Variants in MARCHF1 observed in about 807,000 individuals in gnomAD.
MARCHF1 encodes the protein E3 ubiquitin-protein ligase MARCHF1.
In MARCHF1, 40 loss-of-function variants were observed where a neutral mutation model predicts 54.2. The ratio of observed to expected loss-of-function variants is 0.74; its 90% CI spans 0.57 to 0.96. The LOEUF (loss-of-function observed/expected upper bound fraction) is 0.96. Among genes scored for constraint, MARCHF1 ranks in the 40% least tolerant of loss-of-function variants. MARCHF1 has a pLI of 0.00. For synonymous variants in MARCHF1, 236 were observed against 236.3 expected, an observed-to-expected ratio of 1.00 and a Z score of 0.01; for missense variants, 586 against 656.5, an observed-to-expected ratio of 0.89 and a Z score of 1.17.
intron 4 of MARCHF1, among the ~76,000 whole-genome samples, chr4:163,723,859 T>C (rs1246061480): frequency 1.3e-5 from 2 of 152,242 alleles, no homozygotes; most frequent in Non-Finnish European, 2.9e-5. Flanking sequence ...TCTTGTGCCA[T>C]GGTTTTCAGC....
chr4:164,219,384 C>G (rs1579633114), intron 1 of MARCHF1, among the ~76,000 whole-genome samples: 1 of 152,090 alleles, frequency 6.6e-6, no homozygotes, highest in Admixed American at 6.6e-5. Context: ...TTCATCTCAT[C>G]TAAAACCAAT....
At chr4:163,790,229 T>C (rs1747737890) in intron 4 of MARCHF1, among the ~76,000 whole-genome samples, 1 of 152,142 alleles carries the variant, frequency 6.6e-6, no homozygotes, top group African/African-American at 2.4e-5. Context: ...TTAATAGTAC[T>C]TTATTTTCCT....
In MARCHF1 at chr4:163,814,037, G is replaced by A. The variant is rs144520461; in HGVS notation, c.111+39984C>T. 5.6e-3 allele frequency among the ~76,000 whole-genome samples: 855 copies of A among 152,236 alleles called. 10 individuals carry two copies. Among genetic ancestry groups the A allele is most frequent in the African/African-American group, 0.019 (804 of 41,538 alleles). On this transcript the variant is annotated intron_variant, in intron 4 of 9. Transcript: ENST00000514618. Reference sequence around the variant, plus strand: ...CCTCACAGCCTCTGGAATGTATCTAGGTTTGCTGGGTCCTTGCTCCTTGCT... The same window carrying A: ...CCTCACAGCCTCTGGAATGTATCTAAGTTTGCTGGGTCCTTGCTCCTTGCT...
At chr4:163,930,676 A>G (rs187043083) in intron 3 of MARCHF1, among the ~76,000 whole-genome samples, 244 of 152,184 alleles carry the variant, frequency 1.6e-3, no homozygotes, top group Middle Eastern at 3.4e-3. Flanking sequence ...TTTGCCTTAG[A>G]TAAATCACAG....
intron 4 of MARCHF1, among the ~76,000 whole-genome samples, chr4:163,853,508 G>C (rs2111168965): frequency 6.6e-6 from 1 of 152,154 alleles, no homozygotes; most frequent in East Asian, 1.9e-4. Flanking sequence ...AAAACATGAA[G>C]GAGCACATTC....
intron 1 of MARCHF1, among the ~76,000 whole-genome samples, chr4:164,234,329 T>C (rs1435135911): frequency 1.3e-5 from 2 of 152,308 alleles, no homozygotes; most frequent in African/African-American, 4.8e-5. Context: ...TAACTACTTA[T>C]GGTCATGGCT....
intron 8 of MARCHF1, among the ~76,000 whole-genome samples, chr4:163,564,620 C>T (rs1457275018): frequency 6.6e-6 from 1 of 152,126 alleles, no homozygotes; most frequent in Non-Finnish European, 1.5e-5. Context: ...TATCTGAAAA[C>T]CTAGATCAGT....
At chr4:164,073,951 C>G (rs564657671) in intron 2 of MARCHF1, among the ~76,000 whole-genome samples, 1 of 152,062 alleles carries the variant, frequency 6.6e-6, no homozygotes, top group African/African-American at 2.4e-5. Flanking sequence ...TTTACAGGCA[C>G]GCACCACCAC....
intron 1 of MARCHF1, among the ~76,000 whole-genome samples, chr4:164,181,755 A>C (rs549097119): frequency 6.6e-6 from 1 of 152,294 alleles, no homozygotes; most frequent in South Asian, 2.1e-4. Context: ...AAATAAAATT[A>C]TTCTTCCTTA....
intron 1 of MARCHF1, among the ~76,000 whole-genome samples, chr4:164,127,821 T>C (rs1316369505): frequency 6.6e-6 from 1 of 152,138 alleles, no homozygotes; most frequent in African/African-American, 2.4e-5. Flanking sequence ...CCCAACATGC[T>C]AAAGTATTTT....
chr4:163,660,351 A>T (rs1743302763), intron 5 of MARCHF1, among the ~76,000 whole-genome samples: 2 of 152,030 alleles, frequency 1.3e-5, no homozygotes, highest in African/African-American at 4.8e-5. Context: ...GGAGTTGAAC[A>T]ATGAGAACAC....
chr4:164,320,882 C>T (rs1185213392), intron 1 of MARCHF1, among the ~76,000 whole-genome samples: 2 of 152,168 alleles, frequency 1.3e-5, no homozygotes, highest in Admixed American at 6.5e-5. Flanking sequence ...CAGCTACCAT[C>T]TCTCTGTCTT....
intron 3 of MARCHF1, among the ~76,000 whole-genome samples, chr4:163,910,745 C>A (rs559755619): frequency 6.6e-6 from 1 of 152,332 alleles, no homozygotes; most frequent in South Asian, 2.1e-4. Flanking sequence ...GATCCACGCA[C>A]CTTGACCTCC....
At chr4:164,081,207 C>CAAAAA (rs60753810) in intron 2 of MARCHF1, among the ~76,000 whole-genome samples, 1,435 of 18,396 alleles carry the variant, frequency 0.078, 460 homozygotes, top group Middle Eastern at 0.14. Context: ...GACGCTGTCT[C>CAAAAA]AAAAAAAAAA....
intron 7 of MARCHF1, among the ~76,000 whole-genome samples, chr4:163,611,315 G>A (rs1186929499): frequency 6.6e-6 from 1 of 152,094 alleles, no homozygotes; most frequent in South Asian, 2.1e-4. Flanking sequence ...CACATGTAGA[G>A]TTTAATTCTT....
At chr4:164,093,714 C>T (rs1252163077) in intron 2 of MARCHF1, among the ~76,000 whole-genome samples, 1 of 152,146 alleles carries the variant, frequency 6.6e-6, no homozygotes, top group Non-Finnish European at 1.5e-5. Flanking sequence ...TGGCAGTGAG[C>T]ATCCTGGTGG....
At chr4:163,733,229 A>ATATATATATATACACATG (rs1745925036) in intron 4 of MARCHF1, among the ~76,000 whole-genome samples, 1 of 64,718 alleles carries the variant, frequency 1.5e-5, no homozygotes, top group African/African-American at 5.1e-5. Context: ...ATACACGTGT[A>ATATATATATATACACATG]TATATATATA....
At chr4:164,137,004 T>C (rs983271849) in intron 1 of MARCHF1, among the ~76,000 whole-genome samples, 4 of 152,158 alleles carry the variant, frequency 2.6e-5, no homozygotes, top group Admixed American at 6.5e-5. Context: ...GAAGGATATG[T>C]TAAAGTTTTG....
chr4:163,742,397 C>CCTTCCTT (rs1746228070), intron 4 of MARCHF1, among the ~76,000 whole-genome samples: 154 of 91,298 alleles, frequency 1.7e-3, no homozygotes, highest in African/African-American at 2.3e-3. Context: ...CTTCCTTCCT[C>CCTTCCTT]CCTTCCTTCC....
Sources: allele counts gnomAD v4.1 joint callset (sites outside exome capture counted in the v4.1 genomes callset), GRCh38; gene constraint gnomAD v4.1.1; transcripts MANE v1.5; gene names NCBI Gene and HGNC (gene_info 2026-07-23, HGNC 2026-07-21).